STBD1: variants seen among roughly 807,000 people sequenced by gnomAD.
STBD1 encodes the protein starch-binding domain-containing protein 1.
A neutral mutation model predicts 10.5 loss-of-function variants in STBD1; 13 were observed. The observed-to-expected ratio is 1.24, with a 90% CI of 0.81 to 1.97. The LOEUF (loss-of-function observed/expected upper bound fraction) is 1.97, where lower values mean the gene tolerates loss of function less well. Ranked by LOEUF, STBD1 falls within the 30% of genes most tolerant of loss-of-function variation. The pLI is 0.00. For synonymous variants in STBD1, 146 were observed against 160.2 expected, an observed-to-expected ratio of 0.91 and a Z score of 0.67; for missense variants, 427 against 435.6, an observed-to-expected ratio of 0.98 and a Z score of 0.17.
At position 76,309,551 on chromosome 4, in the gene STBD1, T is replaced by C. The variant is rs554813332; in HGVS notation, c.628T>C (p.Ser210Pro). Residue 210 changes from serine (S) to proline (P), a missense_variant, in exon 2 of 2, where the codon TCA becomes CCA. Transcript: ENST00000237642. ...GGAGTGGGAAATGGTGCCTAGGCAC[T>C]CATCTTGGGGGGATGTTGGTGTGGG... ...HEEWEMVPRH[S>P]SWGDVGVGGS... The C allele has an allele frequency of 3.7e-6, 6 of 1,614,246 alleles. No individual in the cohort carries two copies. The African/African-American group carries it at 6.7e-5, about 18-fold the overall frequency.
Position 76,309,880 on chromosome 4 carries a change from G to A in STBD1, c.957G>A (p.Val319=), listed in dbSNP as rs1718894679. The part of the protein sequence containing the change: ...HSIFLPADTV[V]EWKFVLVENG... ...TTTTCCTGCCTGCAGATACAGTGGT[G>A]GAGTGGAAGTTTGTGTTGGTAGAGA... Residue 319 remains valine (V), a synonymous_variant, in exon 2 of 2, where the codon GTG becomes GTA. Coordinates refer to ENST00000237642, the MANE Select transcript of STBD1 (RefSeq NM_003943.5). 7 of 1,614,096 alleles carry A rather than the reference G, an allele frequency of 4.3e-6. No individual in the cohort carries two copies. Among genetic ancestry groups the A allele is most frequent in the Non-Finnish European group, 5.9e-6 (7 of 1,180,056 alleles).
In STBD1 at chr4:76,309,832, G is replaced by C; in HGVS notation, c.909G>C (p.Lys303Asn). The change falls in exon 2 of 2, where the codon AAG becomes AAC. Residue 303 changes from lysine (K) to asparagine (N), a missense_variant. Physicochemically the swap from Lys to Asn is moderately conservative, Grantham distance 94 (BLOSUM62 0). Coordinates refer to ENST00000237642, the MANE Select transcript of STBD1 (RefSeq NM_003943.5). ...WNTYIPLHYN[K>N]DGFWSHSIFL... is the part of the protein sequence containing the mutation. ...CTTACATCCCACTCCACTATAACAA[G>C]GATGGGTTCTGGTCTCATTCCATTT... The C allele has an allele frequency of 6.2e-7, 1 of 1,613,992 alleles. No homozygotes were observed.
chr4:76,308,398 A>G (rs765999268), intron 1 of STBD1, among the ~76,000 whole-genome samples: 3 of 152,186 alleles, frequency 2.0e-5, no homozygotes, highest in African/African-American at 4.8e-5. Flanking sequence ...TCAATCTTGT[A>G]GGGAGCTATT....
At chr4:76,307,121 A>C in intron 1 of STBD1, 132 bp downstream of exon 1, 1 of 944,288 alleles carries the variant, frequency 1.1e-6, no homozygotes, top group Non-Finnish European at 1.6e-6. Context: ...TCCTAAGGGG[A>C]CTGGGCCATC....
intron 1 of STBD1, among the ~76,000 whole-genome samples, chr4:76,307,635 C>G (rs187818983): frequency 2.0e-4 from 30 of 151,986 alleles, no homozygotes; most frequent in African/African-American, 7.0e-4. Flanking sequence ...AGAATAGGGC[C>G]GGATAGTCAT....
chr4:76,306,881 C>G lies in STBD1; in HGVS notation c.112C>G (p.Gln38Glu), dbSNP rs1718784458. The G allele has an allele frequency of 1.2e-6, 2 of 1,611,762 alleles. No individual in the cohort carries two copies. Among genetic ancestry groups the G allele is most frequent in the Non-Finnish European group, 8.5e-7 (1 of 1,179,234 alleles). Residue 38 changes from glutamine (Q) to glutamate (E), a missense_variant, in exon 1 of 2, where the codon CAG becomes GAG. Transcript: ENST00000237642. ...CACCGGGAAGGACGGGGATGCGGAG[C>G]AGGAGAAAGACGCCCCTCTTGGGGG... ...GDTGKDGDAE[Q>E]EKDAPLGGAA...
Position 76,310,283 on chromosome 4 carries a change from C to A in STBD1, c.*283C>A. ...ACTGATTGACAGACTTGTGCTGATC[C>A]ATTATTACTTTAGGGCTTGATTCTC... On this transcript the variant is annotated 3_prime_UTR_variant, in exon 2 of 2. Coordinates refer to ENST00000237642, the MANE Select transcript of STBD1 (RefSeq NM_003943.5). The A allele has an allele frequency of 2.8e-6, 1 of 355,910 alleles. No individual in the cohort carries two copies. Among genetic ancestry groups the A allele is most frequent in the Non-Finnish European group, 5.1e-6 (1 of 194,956 alleles). 22.0% of individuals were successfully genotyped at this position (355,910 alleles called of 1,614,324 possible).
rs1208186048 is a variant in STBD1, at chr4:76,309,653, G to GGTCA, written c.732_735dup (p.Gln246SerfsTer21). The GGTCA allele has an allele frequency of 6.2e-7, 1 of 1,614,236 alleles. No individual in the cohort carries two copies. Among genetic ancestry groups the GGTCA allele is most frequent in the Non-Finnish European group, 8.5e-7 (1 of 1,180,044 alleles). ...AAGAAGCACTTTGGTGGAAGCAAGA[G>GGTCA]GTCAGCAAGTGCATGGGAAAATGGA... is the stretch of plus-strand genomic sequence containing the variant. On this transcript the variant is annotated frameshift_variant, in exon 2 of 2. Coordinates refer to ENST00000237642, the MANE Select transcript of STBD1 (RefSeq NM_003943.5). LOFTEE classifies it low-confidence loss of function (END_TRUNC).
chr4:76,309,475 A>G lies in STBD1; in HGVS notation c.552A>G (p.Lys184=), dbSNP rs1718879032. 6.2e-7 allele frequency: 1 copy of G among 1,614,138 alleles called. No homozygotes were observed. The highest frequency in any genetic ancestry group is 1.3e-5 in the African/African-American group (1 of 74,954). Residue 184 remains lysine (K), a synonymous_variant, in exon 2 of 2, where the codon AAA becomes AAG. Coordinates refer to ENST00000237642, the MANE Select transcript of STBD1 (RefSeq NM_003943.5). ...PSSNLLKNRA[K]EEMSLSDLNS... Reference sequence around the variant, plus strand: ...GCAACCTGCTCAAGAACAGAGCTAAAGAAGAAATGAGCCTCTCTGATTTGA... The same window carrying G: ...GCAACCTGCTCAAGAACAGAGCTAAGGAAGAAATGAGCCTCTCTGATTTGA...
chr4:76,310,040 G>A lies in STBD1; in HGVS notation c.*40G>A. ...TAATGGAGAAGCTGTAGAACAATGT[G>A]GAAGAGGCTGAGGTTGTGGAACACA... On this transcript the variant is annotated 3_prime_UTR_variant, in exon 2 of 2. Coordinates refer to ENST00000237642, the MANE Select transcript of STBD1 (RefSeq NM_003943.5). 1 of 1,571,436 alleles carries A rather than the reference G, an allele frequency of 6.4e-7. No homozygotes were observed. Among genetic ancestry groups the A allele is most frequent in the Non-Finnish European group, 8.6e-7 (1 of 1,161,904 alleles).
Position 76,309,409 on chromosome 4 carries a change from T to C in STBD1, c.486T>C (p.Ser162=). The C allele has an allele frequency of 6.2e-7, 1 of 1,614,118 alleles. No homozygotes were observed. The highest frequency in any genetic ancestry group is 8.5e-7 in the Non-Finnish European group (1 of 1,180,018). ...GATTCCAAAAAGGACAAGAGATATC[T>C]GCTAAAGCAGCTACATGTTTTGCAG... is the stretch of plus-strand genomic sequence containing the variant. ...EWGFQKGQEI[S]AKAATCFAEK... The change falls in exon 2 of 2, where the codon TCT becomes TCC. Residue 162 remains serine (S), a synonymous_variant. Coordinates refer to ENST00000237642, the MANE Select transcript of STBD1 (RefSeq NM_003943.5).
chr4:76,308,999 A>G, intron 1 of STBD1, 145 bp from the exon 2 acceptor site: 1 of 1,105,546 alleles, frequency 9.0e-7, no homozygotes, highest in Non-Finnish European at 1.3e-6. Context: ...TTAATTAAGT[A>G]GTACTTGATT....
At chr4:76,307,600 T>C (rs1351371777) in intron 1 of STBD1, among the ~76,000 whole-genome samples, 1 of 152,156 alleles carries the variant, frequency 6.6e-6, no homozygotes, top group Non-Finnish European at 1.5e-5. Flanking sequence ...TTCAGCACTG[T>C]CGGCAGTCCC....
intron 1 of STBD1, among the ~76,000 whole-genome samples, chr4:76,308,706 TG>T (rs1451070398): frequency 1.3e-5 from 2 of 152,238 alleles, no homozygotes; most frequent in Non-Finnish European, 2.9e-5. Context: ...ATGCCTCCCC[TG>T]GGAGAACAAG....
At position 76,309,146 on chromosome 4, in the gene STBD1, C is replaced by G. The variant is rs1405597991; in HGVS notation, c.223C>G (p.His75Asp). 1.9e-6 allele frequency: 3 copies of G among 1,566,390 alleles called. No homozygotes were observed. The Admixed American group carries it at 6.1e-5, about 32-fold the overall frequency. Residue 75 changes from histidine to aspartate, a missense_variant and splice_region_variant, in exon 2 of 2, where the codon CAT becomes GAT. His to Asp is a moderately conservative substitution (Grantham distance 81, BLOSUM62 -1). Coordinates refer to ENST00000237642, the MANE Select transcript of STBD1 (RefSeq NM_003943.5). The stretch of plus-strand genomic sequence containing the variant: ...ACATTTTTCCTTTGATTTCTTAGAG[C>G]ATCTTCAAGAAAGCAATGGACATTT... ...SGQELVTKPE[H>D]LQESNGHLIS...
At position 76,309,314 on chromosome 4, in the gene STBD1, A is replaced by G; in HGVS notation, c.391A>G (p.Thr131Ala). 2.5e-6 allele frequency: 4 copies of G among 1,614,030 alleles called. 1 individual carries two copies. The South Asian group carries it at 3.3e-5, about 13-fold the overall frequency. The stretch of plus-strand genomic sequence containing the variant: ...CACAGAAGCTCCAGCTACCTCTGAG[A>G]CCAGTAACTCTAGGAGTTACTCTGA... ...PDTEAPATSE[T>A]SNSRSYSEVS... The change falls in exon 2 of 2, where the codon ACC (threonine) becomes GCC (alanine). Residue 131 changes from threonine to alanine, a missense_variant. Thr to Ala is a moderately conservative substitution (Grantham distance 58). Transcript: ENST00000237642.
chr4:76,309,843 G>A lies in STBD1; in HGVS notation c.920G>A (p.Trp307Ter), dbSNP rs1035863314. The A allele has an allele frequency of 7.4e-6, 12 of 1,614,078 alleles. No individual in the cohort carries two copies. The highest frequency in any genetic ancestry group is 1.6e-4 in the Middle Eastern group (1 of 6,080). ...CTCCACTATAACAAGGATGGGTTCT[G>A]GTCTCATTCCATTTTCCTGCCTGCA... ...IPLHYNKDGFWSHSIFLPADT... is the reference protein window; with the variant it reads ...IPLHYNKDGF The change falls in exon 2 of 2, where the codon TGG becomes TAG. Residue 307 changes from tryptophan (W) to a stop codon, truncating the protein, a stop_gained. Coordinates refer to ENST00000237642, the MANE Select transcript of STBD1 (RefSeq NM_003943.5). LOFTEE classifies it high-confidence loss of function.
intron 1 of STBD1, among the ~76,000 whole-genome samples, chr4:76,308,630 A>G (rs1415752059): frequency 1.3e-5 from 2 of 152,196 alleles, no homozygotes; most frequent in African/African-American, 4.8e-5. Flanking sequence ...TGTTCTCCGT[A>G]TCTCCCCAAG....
Position 76,309,470 on chromosome 4 carries a change from G to A in STBD1, c.547G>A (p.Ala183Thr), listed in dbSNP as rs1345717235. The stretch of plus-strand genomic sequence containing the variant: ...TTCTAGCAACCTGCTCAAGAACAGA[G>A]CTAAAGAAGAAATGAGCCTCTCTGA... ...LPSSNLLKNRAKEEMSLSDLN... is the reference protein window; with the variant it reads ...LPSSNLLKNRTKEEMSLSDLN... Residue 183 changes from alanine (A) to threonine (T), a missense_variant, in exon 2 of 2, where the codon GCT becomes ACT. Ala to Thr is a moderately conservative substitution (Grantham distance 58). Transcript: ENST00000237642. The A allele has an allele frequency of 4.3e-6, 7 of 1,614,146 alleles. No homozygotes were observed. Among genetic ancestry groups the A allele is most frequent in the South Asian group, 3.3e-5 (3 of 91,088 alleles).
Sources: allele counts gnomAD v4.1 joint callset (sites outside exome capture counted in the v4.1 genomes callset), GRCh38; gene constraint gnomAD v4.1.1; transcripts MANE v1.5; gene names NCBI Gene and HGNC (gene_info 2026-07-23, HGNC 2026-07-21).